The following NPFFR2 variants were observed in gnomAD, a reference collection of about 807,000 sequenced individuals.
NPFFR2 encodes G-protein coupled receptor 74.
A neutral mutation model predicts 13.1 loss-of-function variants in NPFFR2; 15 were observed. The ratio of observed to expected loss-of-function variants is 1.15; its 90% CI spans 0.77 to 1.76. The LOEUF (loss-of-function observed/expected upper bound fraction) is 1.76, where lower values mean the gene tolerates loss of function less well. NPFFR2 is among the 40% of genes most tolerant of loss of function. NPFFR2 has a pLI of 0.00. For missense variants in NPFFR2, 572 were observed against 503.5 expected (o/e 1.14, Z -1.30); for synonymous variants, 190 against 175.7 (o/e 1.08, Z -0.65).
intron 1 of NPFFR2, among the ~76,000 whole-genome samples, chr4:72,097,966 T>C (rs1371202413): frequency 4.7e-5 from 1 of 21,226 alleles, no homozygotes; most frequent in Admixed American, 9.6e-4. Context: ...ATATTCTTCC[T>C]ACACCACAAA....
chr4:72,084,735 A>G (rs1040004977), intron 1 of NPFFR2, among the ~76,000 whole-genome samples: 7 of 152,120 alleles, frequency 4.6e-5, no homozygotes, highest in African/African-American at 1.7e-4. Flanking sequence ...AGGTCTCTCA[A>G]CCTGGAATGA....
chr4:72,080,660 C>T (rs1474774802), intron 1 of NPFFR2, among the ~76,000 whole-genome samples: 1 of 152,094 alleles, frequency 6.6e-6, no homozygotes, highest in East Asian at 1.9e-4. Context: ...CCAATTTGTT[C>T]TAGTGTCAAC....
intron 2 of NPFFR2, among the ~76,000 whole-genome samples, chr4:72,133,324 A>G (rs72857467): frequency 0.044 from 6,672 of 152,076 alleles, 405 homozygotes; most frequent in African/African-American, 0.14. Flanking sequence ...TTGTAGGTGC[A>G]TGGATTTGTT....
chr4:72,057,291 C>T (rs1004697496), intron 1 of NPFFR2, among the ~76,000 whole-genome samples: 3 of 151,778 alleles, frequency 2.0e-5, no homozygotes, highest in South Asian at 2.1e-4. Flanking sequence ...GCTGCTATAA[C>T]GTATCATCAT....
At chr4:72,109,437 C>A (rs928845098) in intron 1 of NPFFR2, among the ~76,000 whole-genome samples, 1 of 151,960 alleles carries the variant, frequency 6.6e-6, no homozygotes, top group African/African-American at 2.4e-5. Context: ...GCACATTCAT[C>A]CATGTCGTGA....
In NPFFR2 at chr4:72,079,053, AACACAC is replaced by A. The variant is rs59522916; in HGVS notation, c.-8+46883_-8+46888del. On this transcript the variant is annotated intron_variant, in intron 1 of 3. Coordinates refer to ENST00000308744, the MANE Select transcript of NPFFR2 (RefSeq NM_004885.3). Reference sequence around the variant, plus strand: ...ATGTGTTATAAAATGCATAGAACTAAACACACACACACACACACACACACACACACA... The same window carrying A: ...ATGTGTTATAAAATGCATAGAACTAAACACACACACACACACACACACACA... Among the ~76,000 whole-genome samples the A allele has an allele frequency of 8.2e-3, 1,139 of 139,202 alleles. 11 individuals carry two copies. Among genetic ancestry groups the A allele is most frequent in the African/African-American group, 0.027 (1,038 of 38,750 alleles). The allele number at this position is 139,202 out of a possible 152,430, so 91.3% of individuals were successfully genotyped here.
At chr4:72,127,977 G>A (rs1015773868) in intron 1 of NPFFR2, among the ~76,000 whole-genome samples, 6 of 152,080 alleles carry the variant, frequency 3.9e-5, no homozygotes, top group Middle Eastern at 6.9e-3. Context: ...CTACTTGGGG[G>A]GTGAGGCAGG....
At chr4:72,135,073 A>G (rs1397676537) in intron 2 of NPFFR2, among the ~76,000 whole-genome samples, 1 of 152,128 alleles carries the variant, frequency 6.6e-6, no homozygotes, top group African/African-American at 2.4e-5. Context: ...TCAGAATTTC[A>G]AAGGAATTAC....
chr4:72,111,309 C>T (rs865789930), intron 1 of NPFFR2, among the ~76,000 whole-genome samples: 1 of 151,994 alleles, frequency 6.6e-6, no homozygotes, highest in Non-Finnish European at 1.5e-5. Flanking sequence ...TATACTGAGT[C>T]CTATTCTGTG....
At chr4:72,128,195 A>G (rs1722124781) in intron 1 of NPFFR2, among the ~76,000 whole-genome samples, 1 of 152,226 alleles carries the variant, frequency 6.6e-6, no homozygotes, top group Non-Finnish European at 1.5e-5. Flanking sequence ...TTATCAGGAA[A>G]GCTAGAGGCA....
At chr4:72,049,652 G>A (rs955103177) in intron 1 of NPFFR2, among the ~76,000 whole-genome samples, 6 of 151,962 alleles carry the variant, frequency 3.9e-5, no homozygotes, top group African/African-American at 7.3e-5. Flanking sequence ...TGATCCACAG[G>A]CAATGCAGTC....
intron 1 of NPFFR2, among the ~76,000 whole-genome samples, chr4:72,127,683 G>A (rs375832940): frequency 3.3e-5 from 5 of 151,070 alleles, no homozygotes; most frequent in African/African-American, 9.8e-5. Flanking sequence ...TTGATACATT[G>A]TGTAAGAACA....
chr4:72,142,518 T>G (rs77533864), intron 3 of NPFFR2, among the ~76,000 whole-genome samples: 2,368 of 152,288 alleles, frequency 0.016, 66 homozygotes, highest in African/African-American at 0.053. Context: ...GCATCTATCA[T>G]GCTGGGAGCT....
intron 1 of NPFFR2, among the ~76,000 whole-genome samples, chr4:72,048,849 A>C (rs1404140763): frequency 1.3e-5 from 2 of 152,080 alleles, no homozygotes; most frequent in Non-Finnish European, 2.9e-5. Flanking sequence ...CACAGATCAT[A>C]TTAAAATTTA....
rs565275727 is a variant in NPFFR2, at chr4:72,128,612, A to G, written c.21A>G (p.Thr7=). 5.0e-6 allele frequency: 8 copies of G among 1,609,922 alleles called. No individual in the cohort carries two copies. The South Asian group carries it at 8.8e-5, about 18-fold the overall frequency. Residue 7 remains threonine, a synonymous_variant, in exon 2 of 4, where the codon ACA becomes ACG. Transcript: ENST00000308744. MNEKWD[T]NSSENWHPIW... ...TCATCATGAATGAGAAATGGGACAC[A>G]AACTCTTCAGAAAACTGGCATCCCA...
rs1241810913 is a variant in NPFFR2 at position 72,114,618 on chromosome 4, C to G, written c.-7-13967C>G. 4.6e-5 allele frequency among the ~76,000 whole-genome samples: 7 copies of G among 151,732 alleles called. No homozygotes were observed. The East Asian group carries it at 1.4e-3, about 30-fold the overall frequency. On this transcript the variant is annotated intron_variant, in intron 1 of 3. Transcript: ENST00000308744. ...AATATATTTGTGCTGTAAAAAGATT[C>G]AAGCAATAAAAAGTAGTAAAATGTA...
At chr4:72,051,776 G>A (rs1280413685) in intron 1 of NPFFR2, among the ~76,000 whole-genome samples, 1 of 151,612 alleles carries the variant, frequency 6.6e-6, no homozygotes, top group Non-Finnish European at 1.5e-5. Context: ...AAAGAGAGAA[G>A]AATCAAATAG....
chr4:72,083,094 A>T (rs888601583), intron 1 of NPFFR2, among the ~76,000 whole-genome samples: 4 of 152,194 alleles, frequency 2.6e-5, no homozygotes, highest in Non-Finnish European at 4.4e-5. Flanking sequence ...ATTGATAAAA[A>T]GTGACATATG....
intron 2 of NPFFR2, among the ~76,000 whole-genome samples, chr4:72,135,896 TGTAATAATCATATTAGG>T (rs1227591577): frequency 1.3e-5 from 2 of 152,148 alleles, no homozygotes; most frequent in East Asian, 1.9e-4. Flanking sequence ...GCATATAATG[TGTAATAATCATATTAGG>T]GTAATAATCA....
Sources: allele counts gnomAD v4.1 joint callset (sites outside exome capture counted in the v4.1 genomes callset), GRCh38; gene constraint gnomAD v4.1.1; transcripts MANE v1.5; gene names NCBI Gene and HGNC (gene_info 2026-07-23, HGNC 2026-07-21).